The following MICALL1 variants were observed in gnomAD, a reference collection of about 807,000 sequenced individuals.
The protein encoded by MICALL1 is MICAL like 1.
MICALL1 carries 61 observed loss-of-function variants against 83.7 expected under a neutral mutation model. The ratio of observed to expected loss-of-function variants is 0.73; its 90% CI spans 0.59 to 0.90. The LOEUF (loss-of-function observed/expected upper bound fraction) is 0.90, where lower values mean the gene tolerates loss of function less well. Ranked by LOEUF, MICALL1 falls within the 40% of genes least tolerant of loss-of-function variation. The pLI, the probability that MICALL1 is intolerant of heterozygous loss-of-function variation, is 0.00. For synonymous variants in MICALL1, 481 were observed against 473.6 expected, an observed-to-expected ratio of 1.02 and a Z score of -0.20; for missense variants, 1,066 against 1,152.0, an observed-to-expected ratio of 0.93 and a Z score of 1.08.
At chr22:37,937,045 A>T in intron 13 of MICALL1, 35 bp from the exon 14 acceptor site, 1 of 1,521,920 alleles carries the variant, frequency 6.6e-7, no homozygotes, top group Non-Finnish European at 8.9e-7. Context: ...GGGCTTTCCT[A>T]CCACTCATGC....
chr22:37,933,571 G>T (rs1929919774), intron 13 of MICALL1, among the ~76,000 whole-genome samples: 1 of 152,204 alleles, frequency 6.6e-6, no homozygotes. Flanking sequence ...GGGACCAGGA[G>T]ACAGTGGACG....
At chr22:37,912,199 C>G (rs1456551804) in intron 2 of MICALL1, 152 bp from the exon 3 acceptor site, 5 of 1,119,094 alleles carry the variant, frequency 4.5e-6, no homozygotes, top group Middle Eastern at 2.9e-4. Context: ...CCAGGCCATC[C>G]TGTGGTGCTT....
chr22:37,940,878 G>C lies in MICALL1; in HGVS notation c.*48G>C, dbSNP rs554158680. On this transcript the variant is annotated 3_prime_UTR_variant, in exon 16 of 16. Coordinates refer to ENST00000215957, the MANE Select transcript of MICALL1 (RefSeq NM_033386.4). The stretch of plus-strand genomic sequence containing the variant: ...ACTGCCCCCTCCTGGAGCAGCTCCT[G>C]GGCTGTGCTCTGTTTGAAGGGGGCG... 60 of 1,609,246 alleles carry C rather than the reference G, an allele frequency of 3.7e-5. 1 individual carries two copies. In the South Asian group the frequency reaches 6.4e-4, roughly 17 times the overall value.
chr22:37,934,603 TA>T (rs201627071), intron 13 of MICALL1, among the ~76,000 whole-genome samples: 123 of 151,368 alleles, frequency 8.1e-4, no homozygotes, highest in South Asian at 1.5e-3. Context: ...TTATTATTAT[TA>T]TTTTTTTTTT....
intron 9 of MICALL1, 107 bp from the exon 10 acceptor site, chr22:37,931,692 T>C: frequency 7.4e-7 from 1 of 1,357,416 alleles, no homozygotes; most frequent in Non-Finnish European, 1.0e-6. Context: ...TGGGTCCTGC[T>C]GGCCCTGGAG....
chr22:37,912,386 C>A lies in MICALL1; in HGVS notation c.231C>A (p.Pro77=), dbSNP rs774931291. Residue 77 remains proline (P), a synonymous_variant, in exon 3 of 16, where the codon CCC becomes CCA. Transcript: ENST00000215957. ...FEVAEKELGI[P]ALLDPNDMVS... ...TGGCTGAGAAGGAGCTGGGGATCCC[C>A]GCTCTCCTGGACCCCAATGACATGG... is the stretch of plus-strand genomic sequence containing the variant. 2 of 1,613,640 alleles carry A rather than the reference C, an allele frequency of 1.2e-6. No individual in the cohort carries two copies. Among genetic ancestry groups the A allele is most frequent in the African/African-American group, 2.7e-5 (2 of 74,902 alleles).
Position 37,927,851 on chromosome 22 carries a change from A to C in MICALL1, c.1881+25A>C, listed in dbSNP as rs772872061. ...GGTGAGTGCCCCCTCACCCTCACTA[A>C]AAGTGACATCCTCTCTAGTGGATGC... On this transcript the variant is annotated intron_variant, in intron 9 of 15. Transcript: ENST00000215957. The C allele has an allele frequency of 2.5e-6, 4 of 1,575,818 alleles. No homozygotes were observed. In the East Asian group the frequency reaches 6.8e-5, roughly 27 times the overall value.
Position 37,930,238 on chromosome 22 carries a change from G to C in MICALL1, c.1882-1561G>C, listed in dbSNP as rs1198335900. On this transcript the variant is annotated intron_variant, in intron 9 of 15. Coordinates refer to ENST00000215957, the MANE Select transcript of MICALL1 (RefSeq NM_033386.4). The surrounding 1 kb of genome is among the most constrained non-coding windows in gnomAD (Gnocchi z 4.8). ...GCCCCTCTGGGTGTGTTAGAGGGAG[G>C]GGGCAGAACCCCGGGTGCACTTGCT... is the stretch of plus-strand genomic sequence containing the variant. Among the ~76,000 whole-genome samples, 1 of 152,194 alleles carries C rather than the reference G, an allele frequency of 6.6e-6. No individual in the cohort carries two copies. The highest frequency in any genetic ancestry group is 1.5e-5 in the Non-Finnish European group (1 of 68,026).
Position 37,925,859 on chromosome 22 carries a change from TGAGGAG to T in MICALL1, c.1293_1298del (p.Glu431_Glu432del), listed in dbSNP as rs748727207. On this transcript the variant is annotated inframe_deletion, in exon 8 of 16. Transcript: ENST00000215957. ...TGGAGTCCAAACCCTATAACCCCTT[TGAGGAG>T]GAGGAGGAGGACAAGGAGGAAGAGG... 6.2e-7 allele frequency: 1 copy of T among 1,613,342 alleles called. No homozygotes were observed. Among genetic ancestry groups the T allele is most frequent in the African/African-American group, 1.3e-5 (1 of 74,788 alleles).
Position 37,927,155 on chromosome 22 carries a change from G to T in MICALL1, c.1466-256G>T, listed in dbSNP as rs1929494720. 5 of 487,070 alleles carry T rather than the reference G, an allele frequency of 1.0e-5. No homozygotes were observed. The East Asian group carries it at 1.5e-4, about 15-fold the overall frequency. 30.2% of individuals were successfully genotyped at this position (487,070 alleles called of 1,614,324 possible). A position where few individuals can be genotyped will look rare whatever the true frequency, so the allele number is the denominator to read the frequency against. ...GTTTTGCTGTGGGTGCCCTCATGGG[G>T]GCTATGGGGAGTGTGGGGAAGTGGA... On this transcript the variant is annotated intron_variant, in intron 8 of 15. Coordinates refer to ENST00000215957, the MANE Select transcript of MICALL1 (RefSeq NM_033386.4).
intron 3 of MICALL1, among the ~76,000 whole-genome samples, chr22:37,915,693 T>C (rs1329723210): frequency 6.7e-6 from 1 of 150,234 alleles, no homozygotes; most frequent in Non-Finnish European, 1.5e-5. Flanking sequence ...TCATCCAGGC[T>C]GGAGCTCAGT....
intron 13 of MICALL1, among the ~76,000 whole-genome samples, chr22:37,936,004 C>T (rs1329092793): frequency 2.0e-5 from 3 of 152,200 alleles, no homozygotes; most frequent in African/African-American, 2.4e-5. Flanking sequence ...GCTGGGATTA[C>T]AGGAGTGAGC....
At chr22:37,908,134 G>A (rs976416092) in intron 1 of MICALL1, among the ~76,000 whole-genome samples, 9 of 152,040 alleles carry the variant, frequency 5.9e-5, no homozygotes, top group Non-Finnish European at 8.8e-5. Flanking sequence ...TGTCTTAGGC[G>A]CATGGCCTTG....
chr22:37,926,174 A>G, intron 8 of MICALL1, 131 bp downstream of exon 8: 2 of 1,186,622 alleles, frequency 1.7e-6, no homozygotes, highest in Non-Finnish European at 2.3e-6. Context: ...TTCTCATTTA[A>G]TCCTAGAGCA....
At position 37,922,313 on chromosome 22, in the gene MICALL1, C is replaced by T. The variant is rs1003106378; in HGVS notation, c.911C>T (p.Ala304Val). 3.3e-6 allele frequency: 5 copies of T among 1,535,914 alleles called. No individual in the cohort carries two copies. In the African/African-American group the frequency reaches 5.5e-5, roughly 17 times the overall value. ...ASPPAGRPTP[A>V]PRKASESTTP... ...CCCCCTGCGGGCCGCCCCACCCCTGCCCCCAGGAAGGCCTCTGAGAGCACC... is the reference window on the plus strand; with the variant it reads ...CCCCCTGCGGGCCGCCCCACCCCTGTCCCCAGGAAGGCCTCTGAGAGCACC... The change falls in exon 6 of 16, where the codon GCC becomes GTC. Residue 304 changes from alanine to valine, a missense_variant. Coordinates refer to ENST00000215957, the MANE Select transcript of MICALL1 (RefSeq NM_033386.4).
intron 5 of MICALL1, among the ~76,000 whole-genome samples, chr22:37,920,899 C>T (rs1025594310): frequency 6.6e-6 from 1 of 151,846 alleles, no homozygotes; most frequent in East Asian, 1.9e-4. Context: ...GCACTCCGGC[C>T]TGGGCGACAG....
rs1241482537 is a variant in MICALL1, at chr22:37,922,029, G to A, written c.627G>A (p.Glu209=). 2.5e-6 allele frequency: 4 copies of A among 1,612,114 alleles called. No individual in the cohort carries two copies. Among genetic ancestry groups the A allele is most frequent in the Non-Finnish European group, 3.4e-6 (4 of 1,179,020 alleles). Residue 209 remains glutamate, a synonymous_variant, in exon 6 of 16, where the codon GAG becomes GAA. Coordinates refer to ENST00000215957, the MANE Select transcript of MICALL1 (RefSeq NM_033386.4). ...GGGCTTATGAGAATGGGCCTGAGGA[G>A]GGCACCTTTGTGTGTGCAGAACACT... is the stretch of plus-strand genomic sequence containing the variant. ...LPGAYENGPE[E]GTFVCAEHCA...
At chr22:37,917,650 C>T in intron 3 of MICALL1, 57 bp from the exon 4 acceptor site, 1 of 1,530,230 alleles carries the variant, frequency 6.5e-7, no homozygotes, top group Non-Finnish European at 9.0e-7. Context: ...AGGTTGGGAC[C>T]TCCTGGGACT....
chr22:37,937,342 GTGCACCGT>G (rs1216302386), intron 14 of MICALL1, 148 bp downstream of exon 14: 6 of 645,282 alleles, frequency 9.3e-6, no homozygotes, highest in Non-Finnish European at 1.6e-5. Flanking sequence ...AGCGATCCCA[GTGCACCGT>G]TGCTCAGCCC....
Sources: gnomAD v4.1 joint callset for allele counts (sites outside exome capture counted in the v4.1 genomes callset) on GRCh38, gnomAD v4.1.1 for gene constraint, Gnocchi (gnomAD v3.1) non-coding constraint, MANE v1.5 for transcripts, NCBI Gene and HGNC (gene_info 2026-07-23, HGNC 2026-07-21) for gene names.